CDC14A: variants seen among roughly 807,000 people sequenced by gnomAD.
CDC14A encodes the protein cell division cycle 14A, also known as dual specificity protein phosphatase CDC14A.
A neutral mutation model predicts 74.4 loss-of-function variants in CDC14A; 53 were observed. The observed-to-expected ratio is 0.71, with a 90% CI of 0.57 to 0.89. The LOEUF is 0.89. Ranked by LOEUF, CDC14A falls within the 40% of genes least tolerant of loss-of-function variation. The pLI is 0.00. For synonymous variants in CDC14A, 247 were observed against 258.4 expected, an observed-to-expected ratio of 0.96 and a Z score of 0.43; for missense variants, 646 against 713.7, an observed-to-expected ratio of 0.91 and a Z score of 1.08.
At chr1:100,417,126 A>C (rs1661632828) in intron 4 of CDC14A, among the ~76,000 whole-genome samples, 1 of 152,198 alleles carries the variant, frequency 6.6e-6, no homozygotes, top group South Asian at 2.1e-4. Flanking sequence ...GAAGGCAGAG[A>C]GCTTTGAGAA....
chr1:100,417,038 A>G (rs747160970), intron 4 of CDC14A, among the ~76,000 whole-genome samples: 6 of 152,238 alleles, frequency 3.9e-5, no homozygotes, highest in Non-Finnish European at 5.9e-5. Context: ...CCTTGCTGTC[A>G]TTAGTCTTAC....
intron 3 of CDC14A, among the ~76,000 whole-genome samples, chr1:100,387,708 A>C (rs908291339): frequency 1.3e-5 from 2 of 152,188 alleles, no homozygotes; most frequent in Non-Finnish European, 2.9e-5. Flanking sequence ...TACTTAAATA[A>C]TATTTATAGC....
intron 3 of CDC14A, among the ~76,000 whole-genome samples, chr1:100,386,313 A>G (rs1157627067): frequency 1.3e-5 from 2 of 152,182 alleles, no homozygotes; most frequent in African/African-American, 4.8e-5. Flanking sequence ...AGGTCTCAGT[A>G]TTCTTTCTGT....
At chr1:100,390,026 G>T (rs1657464209) in intron 3 of CDC14A, among the ~76,000 whole-genome samples, 1 of 152,100 alleles carries the variant, frequency 6.6e-6, no homozygotes, top group Admixed American at 6.5e-5. Context: ...TGTTTAGCAT[G>T]TGTACAACAT....
chr1:100,448,910 G>A (rs1665835802), intron 7 of CDC14A, among the ~76,000 whole-genome samples: 1 of 152,032 alleles, frequency 6.6e-6, no homozygotes, highest in Non-Finnish European at 1.5e-5. Flanking sequence ...TTGTCACCTG[G>A]TACCATAGAA....
At chr1:100,390,347 C>T (rs1657517277) in intron 3 of CDC14A, among the ~76,000 whole-genome samples, 2 of 152,024 alleles carry the variant, frequency 1.3e-5, no homozygotes, top group Admixed American at 1.3e-4. Context: ...TATATGAAAA[C>T]TATAGATAAT....
chr1:100,443,878 G>A (rs1271100352), intron 7 of CDC14A, among the ~76,000 whole-genome samples: 1 of 152,166 alleles, frequency 6.6e-6, no homozygotes, highest in African/African-American at 2.4e-5. Flanking sequence ...AAGATGAGAA[G>A]CCTGTACAAT....
At chr1:100,363,000 A>G (rs1652977445) in intron 2 of CDC14A, 1 of 152,254 alleles carries the variant, frequency 6.6e-6, no homozygotes, top group South Asian at 2.1e-4. Context: ...AACAGGTTTT[A>G]TAGTCTGGCT....
upstream of CDC14A, among the ~76,000 whole-genome samples, chr1:100,350,667 T>C (rs1457502633): frequency 6.6e-6 from 1 of 152,202 alleles, no homozygotes; most frequent in East Asian, 1.9e-4. Flanking sequence ...CAATTAAAAG[T>C]TTATGAACTG....
chr1:100,398,820 G>T (rs1658888749), intron 4 of CDC14A, among the ~76,000 whole-genome samples: 1 of 152,080 alleles, frequency 6.6e-6, no homozygotes, highest in Non-Finnish European at 1.5e-5. Flanking sequence ...GCCTGTTGGT[G>T]TGGGTGTGGA....
At chr1:100,393,615 G>T in intron 4 of CDC14A, 1 of 668,464 alleles carries the variant, frequency 1.5e-6, no homozygotes. Flanking sequence ...CACTGCAGCT[G>T]CTTCCTGCAC....
chr1:100,387,800 A>G (rs537223203), intron 3 of CDC14A, among the ~76,000 whole-genome samples: 1 of 152,256 alleles, frequency 6.6e-6, no homozygotes, highest in South Asian at 2.1e-4. Flanking sequence ...TCTGTATTCT[A>G]TATACTTTAG....
intron 2 of CDC14A, among the ~76,000 whole-genome samples, chr1:100,368,741 C>T (rs1654001291): frequency 6.6e-6 from 1 of 152,212 alleles, no homozygotes; most frequent in South Asian, 2.1e-4. Context: ...TTACTCCCTT[C>T]TTCCCTCCCC....
chr1:100,469,303 T>C (rs1256347593), intron 10 of CDC14A, among the ~76,000 whole-genome samples: 2 of 152,176 alleles, frequency 1.3e-5, no homozygotes, highest in African/African-American at 4.8e-5. Flanking sequence ...GATTAAGAAG[T>C]GCTGAAAAAT....
intron 4 of CDC14A, among the ~76,000 whole-genome samples, chr1:100,409,172 G>C (rs772489075): frequency 6.7e-6 from 1 of 150,102 alleles, no homozygotes; most frequent in Non-Finnish European, 1.5e-5. Context: ...ACTTGTGCAG[G>C]GAAACTCTCC....
chr1:100,349,616 G>C (rs537646459), upstream of CDC14A, among the ~76,000 whole-genome samples: 20 of 152,256 alleles, frequency 1.3e-4, no homozygotes, highest in South Asian at 3.5e-3. Flanking sequence ...AGAGAGATTT[G>C]ATTATACTGA....
chr1:100,401,077 CAT>C (rs1403524288), intron 4 of CDC14A, among the ~76,000 whole-genome samples: 1 of 152,208 alleles, frequency 6.6e-6, no homozygotes, highest in African/African-American at 2.4e-5. Context: ...TTTGGAATAA[CAT>C]ATACTTTCTG....
chr1:100,388,844 C>A (rs1657242662), intron 3 of CDC14A, among the ~76,000 whole-genome samples: 1 of 152,146 alleles, frequency 6.6e-6, no homozygotes, highest in African/African-American at 2.4e-5. Flanking sequence ...AGCCATCACA[C>A]CTGGCCTTAC....
intron 15 of CDC14A, among the ~76,000 whole-genome samples, chr1:100,513,294 G>A (rs1365313486): frequency 1.3e-5 from 2 of 152,126 alleles, no homozygotes; most frequent in Admixed American, 6.5e-5. Context: ...ATGTTGCCAA[G>A]CATGTATTTT....
Sources: allele counts gnomAD v4.1 joint callset (sites outside exome capture counted in the v4.1 genomes callset), GRCh38; gene constraint gnomAD v4.1.1; transcripts MANE v1.5; gene names NCBI Gene and HGNC (gene_info 2026-07-23, HGNC 2026-07-21).